Variants in KCNH5 observed in about 807,000 individuals in gnomAD.
KCNH5 encodes voltage-gated delayed rectifier potassium channel KCNH5.
KCNH5 carries 46 observed loss-of-function variants against 96.1 expected under a neutral mutation model. The observed-to-expected ratio is 0.48, with a 90% confidence interval of 0.38 to 0.61. The LOEUF is 0.61. Ranked by LOEUF, KCNH5 falls within the 20% of genes least tolerant of loss-of-function variation. The pLI, the probability that KCNH5 is intolerant of heterozygous loss-of-function variation, is 0.00. For missense variants in KCNH5, 907 were observed against 1,225.8 expected (o/e 0.74, Z 3.88); for synonymous variants, 439 against 449.8 (o/e 0.98, Z 0.30).
At chr14:62,869,930 T>C (rs964630905) in intron 7 of KCNH5, among the ~76,000 whole-genome samples, 3 of 152,162 alleles carry the variant, frequency 2.0e-5, no homozygotes, top group Non-Finnish European at 2.9e-5. Flanking sequence ...TCCTTACATC[T>C]TATACAAAAA....
intron 7 of KCNH5, among the ~76,000 whole-genome samples, chr14:62,861,272 A>ATT (rs112072677): frequency 0.058 from 8,487 of 146,376 alleles, 713 homozygotes; most frequent in African/African-American, 0.18. Flanking sequence ...CTAAAAATTG[A>ATT]TTTTTTTTTT....
In KCNH5 at chr14:62,780,499, C is replaced by G. The variant is rs181004555; in HGVS notation, c.1823-575G>C. On this transcript the variant is annotated intron_variant, in intron 9 of 10. Coordinates refer to ENST00000322893, the MANE Select transcript of KCNH5 (RefSeq NM_139318.5). ...CTCGGAGTCCAGCCCAAGAGCTCCCCATCCACAATTACAAAGCTGAAGGAC... is the reference window on the plus strand; with the variant it reads ...CTCGGAGTCCAGCCCAAGAGCTCCCGATCCACAATTACAAAGCTGAAGGAC... Among the ~76,000 whole-genome samples, 35 of 152,266 alleles carry G rather than the reference C, an allele frequency of 2.3e-4. 1 individual carries two copies. Among genetic ancestry groups the G allele is most frequent in the African/African-American group, 8.2e-4 (34 of 41,556 alleles).
chr14:62,970,044 TAAAAAAAAAA>T (rs373852520), intron 6 of KCNH5, among the ~76,000 whole-genome samples: 6 of 30,406 alleles, frequency 2.0e-4, no homozygotes, highest in African/African-American at 4.9e-4. Context: ...AGACTCCGTC[TAAAAAAAAAA>T]AAAAAAAAAA....
At chr14:62,906,581 T>C (rs1188838713) in intron 7 of KCNH5, among the ~76,000 whole-genome samples, 2 of 152,232 alleles carry the variant, frequency 1.3e-5, no homozygotes, top group African/African-American at 4.8e-5. Context: ...CATTTCTCTC[T>C]CTGTTGAACA....
At chr14:62,767,843 T>C (rs781224611) in intron 10 of KCNH5, among the ~76,000 whole-genome samples, 3 of 152,184 alleles carry the variant, frequency 2.0e-5, no homozygotes. Flanking sequence ...CAAAATGTGA[T>C]ATGTATACAC....
At chr14:62,898,076 C>A (rs1180982995) in intron 7 of KCNH5, among the ~76,000 whole-genome samples, 2 of 151,808 alleles carry the variant, frequency 1.3e-5, no homozygotes, top group Non-Finnish European at 2.9e-5. Flanking sequence ...CACTGGGGAC[C>A]AATGAAAAAT....
chr14:62,741,935 T>A (rs1885278901), intron 10 of KCNH5, among the ~76,000 whole-genome samples: 1 of 152,160 alleles, frequency 6.6e-6, no homozygotes, highest in Non-Finnish European at 1.5e-5. Flanking sequence ...ATTACTGGTA[T>A]CAAAGTAAAA....
intron 10 of KCNH5, among the ~76,000 whole-genome samples, chr14:62,749,582 C>T (rs1407170917): frequency 1.3e-5 from 2 of 152,224 alleles, no homozygotes; most frequent in Non-Finnish European, 1.5e-5. Context: ...GTGTTTTGCA[C>T]TTGTCCCAAG....
rs116552308 is a variant in KCNH5, at chr14:62,899,942, A to G, written c.1370-50090T>C. On this transcript the variant is annotated intron_variant, in intron 7 of 10. Coordinates refer to ENST00000322893, the MANE Select transcript of KCNH5 (RefSeq NM_139318.5). ...ATTTTTTCATATTTTAATATCTCTGAAATCAAACTGTATCTTGTAATCAAC... is the reference window on the plus strand; with the variant it reads ...ATTTTTTCATATTTTAATATCTCTGGAATCAAACTGTATCTTGTAATCAAC... 1.8e-3 allele frequency among the ~76,000 whole-genome samples: 277 copies of G among 152,332 alleles called. 2 individuals carry two copies. The highest frequency in any genetic ancestry group is 6.8e-3 in the Middle Eastern group (2 of 294).
At chr14:62,914,323 C>T (rs1889232128) in intron 7 of KCNH5, among the ~76,000 whole-genome samples, 1 of 152,048 alleles carries the variant, frequency 6.6e-6, no homozygotes, top group East Asian at 1.9e-4. Context: ...GAAAGAGACA[C>T]AGTAATAGAG....
chr14:62,842,173 C>T (rs1224365727), intron 8 of KCNH5, among the ~76,000 whole-genome samples: 1 of 152,130 alleles, frequency 6.6e-6, no homozygotes, highest in African/African-American at 2.4e-5. Context: ...CAATGGAACC[C>T]TCTTAAACTA....
chr14:62,907,113 T>G (rs1480063833), intron 7 of KCNH5, among the ~76,000 whole-genome samples: 2 of 152,208 alleles, frequency 1.3e-5, no homozygotes, highest in Non-Finnish European at 2.9e-5. Flanking sequence ...TTCTAGACAG[T>G]CTTCTCTCCT....
intron 8 of KCNH5, among the ~76,000 whole-genome samples, chr14:62,808,451 A>G (rs1316757569): frequency 2.0e-5 from 3 of 152,134 alleles, no homozygotes; most frequent in Non-Finnish European, 4.4e-5. Context: ...AAAAATGTAA[A>G]GGGTTATAAA....
At chr14:63,037,510 C>A (rs1425738745) in intron 1 of KCNH5, among the ~76,000 whole-genome samples, 1 of 152,040 alleles carries the variant, frequency 6.6e-6, no homozygotes, top group Non-Finnish European at 1.5e-5. Flanking sequence ...ACTCTTTAAC[C>A]CCCATTGAGG....
chr14:62,983,538 T>C (rs925542896), intron 5 of KCNH5, among the ~76,000 whole-genome samples: 1 of 152,138 alleles, frequency 6.6e-6, no homozygotes, highest in Admixed American at 6.5e-5. Flanking sequence ...TGAAACATCC[T>C]ATAGACCCGT....
intron 6 of KCNH5, among the ~76,000 whole-genome samples, chr14:62,954,487 G>A (rs2140133620): frequency 1.3e-5 from 2 of 152,284 alleles, no homozygotes; most frequent in African/African-American, 4.8e-5. Flanking sequence ...ATAAATGAAA[G>A]AATAAACTTT....
At chr14:62,838,787 T>C (rs1399830156) in intron 8 of KCNH5, among the ~76,000 whole-genome samples, 1 of 152,144 alleles carries the variant, frequency 6.6e-6, no homozygotes, top group African/African-American at 2.4e-5. Context: ...AGTGTCTGTA[T>C]CAGTAAATGG....
intron 6 of KCNH5, among the ~76,000 whole-genome samples, chr14:62,962,876 A>T (rs908310924): frequency 5.3e-5 from 8 of 152,196 alleles, no homozygotes; most frequent in Non-Finnish European, 1.5e-5. Flanking sequence ...AGCAAAAAAT[A>T]ACCTTCAACT....
At chr14:62,760,456 T>C (rs1318182435) in intron 10 of KCNH5, among the ~76,000 whole-genome samples, 1 of 152,220 alleles carries the variant, frequency 6.6e-6, no homozygotes, top group East Asian at 1.9e-4. Context: ...CCTCTTCTTA[T>C]GTGCAGAATT....
Sources: gnomAD v4.1 joint callset for allele counts (sites outside exome capture counted in the v4.1 genomes callset) on GRCh38, gnomAD v4.1.1 for gene constraint, MANE v1.5 for transcripts, NCBI Gene and HGNC (gene_info 2026-07-23, HGNC 2026-07-21) for gene names.